Variants in ITGAV observed in about 807,000 individuals in gnomAD.
ITGAV encodes the protein integrin subunit alpha V, also known as integrin alpha-V.
Under a neutral mutation model 143.8 loss-of-function variants are expected in ITGAV, and 76 were observed. That is an observed-to-expected ratio of 0.53 (90% CI 0.44 to 0.64). ITGAV has a LOEUF of 0.64. ITGAV is among the 30% of genes least tolerant of loss of function. The probability of loss-of-function intolerance (pLI) is 0.00; values close to 1 mark genes in which losing one functional copy is unlikely to be tolerated. For missense variants in ITGAV, 1,193 were observed against 1,274.7 expected, an observed-to-expected ratio of 0.94 and a Z score of 0.98; for synonymous variants, 453 against 446.7, an observed-to-expected ratio of 1.01 and a Z score of -0.18.
intron 10 of ITGAV, among the ~76,000 whole-genome samples, chr2:186,639,927 A>G (rs1454500875): frequency 6.6e-6 from 1 of 152,190 alleles, no homozygotes; most frequent in Non-Finnish European, 1.5e-5. Flanking sequence ...CAAACACAGT[A>G]TATTTTATTT....
chr2:186,600,473 T>C (rs1162096855), intron 1 of ITGAV: 8 of 1,494,660 alleles, frequency 5.4e-6, no homozygotes, highest in East Asian at 4.9e-5. Flanking sequence ...AGAGAGACTT[T>C]CCTTTACCTA....
chr2:186,647,466 G>C (rs925067984), intron 13 of ITGAV, among the ~76,000 whole-genome samples: 1 of 152,032 alleles, frequency 6.6e-6, no homozygotes, highest in Non-Finnish European at 1.5e-5. Context: ...GAACTCATGA[G>C]CTCAAGCGAT....
intron 3 of ITGAV, among the ~76,000 whole-genome samples, chr2:186,624,287 T>C (rs1263477003): frequency 6.6e-6 from 1 of 152,164 alleles, no homozygotes; most frequent in Non-Finnish European, 1.5e-5. Flanking sequence ...ATTATTTACG[T>C]AGTATTTATT....
Position 186,630,864 on chromosome 2 carries a change from T to C in ITGAV, c.585+6T>C, listed in dbSNP as rs1241902261. The C allele has an allele frequency of 2.6e-6, 4 of 1,520,228 alleles. No individual in the cohort carries two copies. The highest frequency in any genetic ancestry group is 3.6e-6 in the Non-Finnish European group (4 of 1,097,588). 94.2% of individuals were successfully genotyped at this position (1,520,228 alleles called of 1,614,324 possible). ...TCAGCATTGATTTTACTAAAGTAAG[T>C]TCTTATTTAAGACTGAATGAGATTC... is the stretch of plus-strand genomic sequence containing the variant. On this transcript the variant is annotated splice_donor_region_variant and intron_variant, in intron 5 of 29. Coordinates refer to ENST00000261023, the MANE Select transcript of ITGAV (RefSeq NM_002210.5).
At chr2:186,617,004 T>C (rs1026030925) in intron 2 of ITGAV, among the ~76,000 whole-genome samples, 2 of 150,702 alleles carry the variant, frequency 1.3e-5, no homozygotes, top group Admixed American at 1.3e-4. Flanking sequence ...CAGGGTGGTA[T>C]TGTTTTGATA....
chr2:186,667,129 G>GTTTT, intron 22 of ITGAV, 21 bp from the exon 23 acceptor site: 3 of 1,280,404 alleles, frequency 2.3e-6, no homozygotes, highest in Admixed American at 4.1e-5. Context: ...TCATTTTTAA[G>GTTTT]TTTTTTTTTT....
At chr2:186,676,337 C>A (rs189652989) in intron 28 of ITGAV, 73 of 170,244 alleles carry the variant, frequency 4.3e-4, no homozygotes, top group African/African-American at 1.6e-3. Context: ...GTGGTTGCCT[C>A]ACACCTGTAA....
In ITGAV at chr2:186,649,841, C is replaced by T; in HGVS notation, c.1353C>T (p.Asp451=). 6.3e-7 allele frequency: 1 copy of T among 1,588,916 alleles called. No homozygotes were observed. Among genetic ancestry groups the T allele is most frequent in the East Asian group, 2.3e-5 (1 of 44,328 alleles). ...CATGTTTTTCCACTCTTTCTTAAGA[C>T]TTAATTGTAGGAGCTTTTGGTGTAG... ...ATDIDKNGYP[D]LIVGAFGVDR... Residue 451 remains aspartate (D), a splice_region_variant and synonymous_variant, in exon 14 of 30, where the codon GAC becomes GAT. Coordinates refer to ENST00000261023, the MANE Select transcript of ITGAV (RefSeq NM_002210.5).
chr2:186,667,963 T>C (rs1427645303), intron 24 of ITGAV, 187 bp downstream of exon 24: 5 of 346,312 alleles, frequency 1.4e-5, no homozygotes. Context: ...CAAATAGACT[T>C]GTTTAAATAA....
chr2:186,641,674 A>G (rs1434547326), intron 12 of ITGAV, 86 bp downstream of exon 12: 2 of 1,054,324 alleles, frequency 1.9e-6, no homozygotes, highest in Non-Finnish European at 2.9e-6. Flanking sequence ...AGAAGTCTAC[A>G]CGAGCAAATC....
rs1341980559 is a variant in ITGAV at position 186,636,227 on chromosome 2, A to G, written c.757+20A>G. ...ATTTGGGTAGGTAAAACCAAAATTT[A>G]CTCATTTTTGGAACTGTGGTACATA... On this transcript the variant is annotated intron_variant, in intron 7 of 29. Transcript: ENST00000261023. 2 of 1,602,326 alleles carry G rather than the reference A, an allele frequency of 1.2e-6. No homozygotes were observed. The highest frequency in any genetic ancestry group is 8.5e-7 in the Non-Finnish European group (1 of 1,175,356).
At chr2:186,616,748 T>C (rs1687375722) in intron 2 of ITGAV, among the ~76,000 whole-genome samples, 1 of 152,146 alleles carries the variant, frequency 6.6e-6, no homozygotes, top group Non-Finnish European at 1.5e-5. Flanking sequence ...AGGACTTATC[T>C]GTCTCGTTTA....
intron 11 of ITGAV, 56 bp downstream of exon 11, chr2:186,641,023 T>G: frequency 8.0e-7 from 1 of 1,257,280 alleles, no homozygotes; most frequent in Non-Finnish European, 1.1e-6. Context: ...TACGAATACT[T>G]TACTCAAACT....
chr2:186,638,345 T>TA (rs1288753710), intron 9 of ITGAV, 25 bp downstream of exon 9: 4 of 1,611,824 alleles, frequency 2.5e-6, no homozygotes, highest in Non-Finnish European at 2.5e-6. Flanking sequence ...AGGTATTTTT[T>TA]AAAAAATCTC....
chr2:186,600,404 CTCTG>C, intron 1 of ITGAV: 1 of 1,526,806 alleles, frequency 6.5e-7, no homozygotes, highest in Non-Finnish European at 8.9e-7. Flanking sequence ...GAAATAACTT[CTCTG>C]TCTACTTTAT....
intron 18 of ITGAV, among the ~76,000 whole-genome samples, chr2:186,659,747 C>G (rs1320932570): frequency 6.7e-6 from 1 of 148,602 alleles, no homozygotes; most frequent in Non-Finnish European, 1.5e-5. Context: ...TTTAGTTTAT[C>G]ATTTTTTTTT....
chr2:186,646,150 ATCT>A (rs1424763069), intron 12 of ITGAV, among the ~76,000 whole-genome samples: 2 of 152,200 alleles, frequency 1.3e-5, no homozygotes, highest in African/African-American at 2.4e-5. Flanking sequence ...TTATTCATTT[ATCT>A]TCTTTCAGTG....
chr2:186,677,043 G>GCTC, intron 29 of ITGAV, 108 bp downstream of exon 29: 1 of 1,233,158 alleles, frequency 8.1e-7, no homozygotes, highest in Non-Finnish European at 1.2e-6. Flanking sequence ...GGACTGTAAT[G>GCTC]ATGATACTTG....
intron 26 of ITGAV, among the ~76,000 whole-genome samples, chr2:186,670,425 C>T (rs1689033289): frequency 6.6e-6 from 1 of 152,058 alleles, no homozygotes. Flanking sequence ...ATCAGTCCCC[C>T]AAGTAGCTAG....
Sources: allele counts gnomAD v4.1 joint callset (sites outside exome capture counted in the v4.1 genomes callset), GRCh38; gene constraint gnomAD v4.1.1; transcripts MANE v1.5; gene names NCBI Gene and HGNC (gene_info 2026-07-23, HGNC 2026-07-21).